Variants in SMOC2 observed in about 807,000 individuals in gnomAD.
SMOC2 encodes the protein SPARC related modular calcium binding 2.
Under a neutral mutation model 61.4 loss-of-function variants are expected in SMOC2, and 39 were observed. The ratio of observed to expected loss-of-function variants is 0.64; its 90% CI spans 0.49 to 0.83. The LOEUF (loss-of-function observed/expected upper bound fraction) is 0.83. Among genes scored for constraint, SMOC2 ranks in the 40% least tolerant of loss-of-function variants. The probability of loss-of-function intolerance (pLI) is 0.00; values close to 1 mark genes in which losing one functional copy is unlikely to be tolerated. For missense variants in SMOC2, 556 were observed against 592.9 expected (o/e 0.94, Z 0.65); for synonymous variants, 247 against 239.9 (o/e 1.03, Z -0.27).
chr6:168,454,340 C>G (rs1781532932), intron 1 of SMOC2, among the ~76,000 whole-genome samples: 1 of 152,202 alleles, frequency 6.6e-6, no homozygotes, highest in Non-Finnish European at 1.5e-5. Flanking sequence ...GAACTAACCT[C>G]AGCCGAAATC....
Position 168,655,670 on chromosome 6 carries a change from A to G in SMOC2, c.1285+2442A>G, listed in dbSNP as rs532715077. On this transcript the variant is annotated intron_variant, in intron 11 of 12. Coordinates refer to ENST00000356284, the MANE Select transcript of SMOC2 (RefSeq NM_001166412.2). The stretch of plus-strand genomic sequence containing the variant: ...CTAGATCCCCCTGCACGTGTGTACT[A>G]GATTTCCCTCACACATGTGTGCTAG... 8.1e-5 allele frequency among the ~76,000 whole-genome samples: 12 copies of G among 148,000 alleles called. No individual in the cohort carries two copies. In the South Asian group the frequency reaches 1.9e-3, roughly 24 times the overall value.
chr6:168,650,590 T>C (rs1787166409), intron 9 of SMOC2, 91 bp from the exon 10 acceptor site: 2 of 1,260,174 alleles, frequency 1.6e-6, no homozygotes, highest in Non-Finnish European at 2.2e-6. Context: ...AATACTCATT[T>C]CCAAACAGTA....
At chr6:168,635,870 CAA>C (rs373754531) in intron 9 of SMOC2, among the ~76,000 whole-genome samples, 4 of 136,918 alleles carry the variant, frequency 2.9e-5, no homozygotes, top group Non-Finnish European at 4.7e-5. Flanking sequence ...GACTCTGTCT[CAA>C]AAAAAAAAAA....
chr6:168,510,384 T>G (rs574596333), intron 2 of SMOC2, among the ~76,000 whole-genome samples: 6 of 152,352 alleles, frequency 3.9e-5, no homozygotes, highest in African/African-American at 1.4e-4. Flanking sequence ...ATTTCTTTCT[T>G]TCTTTCTCAT....
intron 9 of SMOC2, among the ~76,000 whole-genome samples, chr6:168,627,424 A>G (rs1786442502): frequency 6.6e-6 from 1 of 152,086 alleles, no homozygotes; most frequent in Admixed American, 6.5e-5. Context: ...TGAGCTTTTA[A>G]TTTTTATTAG....
At chr6:168,653,410 A>G (rs533288551) in intron 11 of SMOC2, among the ~76,000 whole-genome samples, 182 bp downstream of exon 11, 1 of 152,352 alleles carries the variant, frequency 6.6e-6, no homozygotes, top group East Asian at 1.9e-4. Flanking sequence ...GACTCATCAC[A>G]TGCCACTTGC....
chr6:168,657,900 C>A (rs1009015609), intron 11 of SMOC2, among the ~76,000 whole-genome samples: 3 of 152,196 alleles, frequency 2.0e-5, no homozygotes, highest in African/African-American at 7.2e-5. Context: ...AACCTCCCAA[C>A]GCCTCTGTAT....
At chr6:168,629,367 C>G (rs182303233) in intron 9 of SMOC2, among the ~76,000 whole-genome samples, 1 of 152,358 alleles carries the variant, frequency 6.6e-6, no homozygotes, top group Admixed American at 6.5e-5. Context: ...TCATCGACCT[C>G]TTCCAACAGG....
intron 4 of SMOC2, among the ~76,000 whole-genome samples, chr6:168,536,632 T>G (rs1265930020): frequency 1.3e-5 from 2 of 152,096 alleles, no homozygotes; most frequent in Admixed American, 6.5e-5. Context: ...CTGTGCAAAT[T>G]GCTTCTCCAC....
chr6:168,621,432 A>G (rs529136808), intron 9 of SMOC2, among the ~76,000 whole-genome samples: 5 of 152,310 alleles, frequency 3.3e-5, no homozygotes, highest in African/African-American at 1.2e-4. Flanking sequence ...GCAGTCTTTG[A>G]TATGCTCTTT....
chr6:168,618,720 A>G (rs1786166964), intron 9 of SMOC2, among the ~76,000 whole-genome samples: 2 of 152,178 alleles, frequency 1.3e-5, no homozygotes, highest in South Asian at 4.1e-4. Context: ...GCACAGATGC[A>G]GACAGGAAGA....
chr6:168,472,297 A>T (rs1781982346), intron 1 of SMOC2, among the ~76,000 whole-genome samples: 2 of 150,994 alleles, frequency 1.3e-5, no homozygotes, highest in South Asian at 4.1e-4. Flanking sequence ...CAGCTGTTGA[A>T]GAGACTGTCC....
chr6:168,660,568 C>A (rs999892582), intron 11 of SMOC2, among the ~76,000 whole-genome samples: 2 of 152,250 alleles, frequency 1.3e-5, no homozygotes, highest in African/African-American at 4.8e-5. Flanking sequence ...CAAGCGTTTC[C>A]TTCTGGTTCA....
intron 11 of SMOC2, among the ~76,000 whole-genome samples, chr6:168,653,575 T>C (rs1283738890): frequency 1.3e-5 from 2 of 150,890 alleles, no homozygotes. Context: ...ACCCTGCACC[T>C]GAGCTCCAAC....
At chr6:168,614,500 C>T (rs1456981526) in intron 9 of SMOC2, among the ~76,000 whole-genome samples, 2 of 47,372 alleles carry the variant, frequency 4.2e-5, no homozygotes, top group South Asian at 1.2e-3. Context: ...CCTCTTCACA[C>T]CTACAGCCAG....
chr6:168,522,475 T>C (rs540235238), intron 2 of SMOC2, among the ~76,000 whole-genome samples: 4 of 152,296 alleles, frequency 2.6e-5, no homozygotes, highest in East Asian at 3.9e-4. Context: ...ATAAACAAAA[T>C]ATGGTCCATC....
At chr6:168,625,086 C>T (rs1484256975) in intron 9 of SMOC2, among the ~76,000 whole-genome samples, 4 of 152,212 alleles carry the variant, frequency 2.6e-5, no homozygotes, top group African/African-American at 7.2e-5. Flanking sequence ...TGTGAAGCGC[C>T]GCCCCCGCCC....
Position 168,579,874 on chromosome 6 carries a change from C to T in SMOC2, c.638-18944C>T, listed in dbSNP as rs953083109. 5.3e-5 allele frequency among the ~76,000 whole-genome samples: 8 copies of T among 152,118 alleles called. No individual in the cohort carries two copies. In the South Asian group the frequency reaches 6.2e-4, roughly 12 times the overall value. On this transcript the variant is annotated intron_variant, in intron 7 of 12. Transcript: ENST00000356284. ...ATGGAATCAGGGCTAACTTCGACTC[C>T]GGTTTTCAAAGCTTATGTTGGTGTG...
intron 7 of SMOC2, among the ~76,000 whole-genome samples, chr6:168,593,288 C>T (rs1334234184): frequency 1.0e-3 from 1 of 992 alleles, no homozygotes; most frequent in Admixed American, 0.016. Context: ...TTCCTGAGGC[C>T]TCACGGGCAT....
Sources: allele counts gnomAD v4.1 joint callset (sites outside exome capture counted in the v4.1 genomes callset), GRCh38; gene constraint gnomAD v4.1.1; transcripts MANE v1.5; gene names NCBI Gene and HGNC (gene_info 2026-07-23, HGNC 2026-07-21).